PRSS12: variants seen among roughly 807,000 people sequenced by gnomAD.
PRSS12 encodes serine protease 12, also known as neurotrypsin.
PRSS12 carries 85 observed loss-of-function variants against 104.4 expected under a neutral mutation model. That is an observed-to-expected ratio of 0.81 (90% CI 0.68 to 0.98). PRSS12 has a LOEUF of 0.98. Ranked by LOEUF, PRSS12 falls within the 50% of genes least tolerant of loss-of-function variation. The pLI is 0.00. For missense variants in PRSS12, 1,141 were observed against 1,139.2 expected (o/e 1.00, Z -0.02); for synonymous variants, 454 against 425.2 (o/e 1.07, Z -0.83).
intron 11 of PRSS12, among the ~76,000 whole-genome samples, chr4:118,292,084 T>A (rs929140164): frequency 3.3e-5 from 5 of 152,036 alleles, no homozygotes; most frequent in African/African-American, 1.2e-4. Flanking sequence ...AAGAAATTTT[T>A]AAAAATTGGT....
At chr4:118,297,203 A>C (rs1340732057) in intron 9 of PRSS12, among the ~76,000 whole-genome samples, 1 of 152,202 alleles carries the variant, frequency 6.6e-6, no homozygotes, top group African/African-American at 2.4e-5. Flanking sequence ...CAGATTCTGT[A>C]ATCTAGCTGG....
Position 118,281,911 on chromosome 4 carries a change from G to T in PRSS12, c.*25C>A. 3 of 1,013,974 alleles carry T rather than the reference G, an allele frequency of 3.0e-6. No individual in the cohort carries two copies. The highest frequency in any genetic ancestry group is 3.2e-6 in the Non-Finnish European group (2 of 631,136). 62.8% of individuals were successfully genotyped at this position (1,013,974 alleles called of 1,614,324 possible). A position where few individuals can be genotyped will look rare whatever the true frequency, so the allele number is the denominator to read the frequency against. ...TTCAAAGTTTTCCATTTGTTTAAAT[G>T]CTGCTTTGAAGTTTCCATGAAGAAT... On this transcript the variant is annotated 3_prime_UTR_variant, in exon 13 of 13. Coordinates refer to ENST00000296498, the MANE Select transcript of PRSS12 (RefSeq NM_003619.4).
intron 1 of PRSS12, among the ~76,000 whole-genome samples, chr4:118,339,191 G>A (rs1275639256): frequency 1.3e-5 from 2 of 152,134 alleles, no homozygotes; most frequent in East Asian, 1.9e-4. Flanking sequence ...GGCACTGGGA[G>A]GTAGCAAGTG....
At chr4:118,306,562 A>ACC (rs1485187030) in intron 8 of PRSS12, among the ~76,000 whole-genome samples, 1 of 152,054 alleles carries the variant, frequency 6.6e-6, no homozygotes. Context: ...ACACTTTTAA[A>ACC]CAACCAGATC....
intron 4 of PRSS12, among the ~76,000 whole-genome samples, chr4:118,321,004 C>T (rs1329340301): frequency 6.6e-6 from 1 of 152,128 alleles, no homozygotes; most frequent in Admixed American, 6.5e-5. Context: ...CTATCTGATA[C>T]TTGTAACACA....
At chr4:118,286,135 T>G (rs1277559294) in intron 11 of PRSS12, among the ~76,000 whole-genome samples, 3 of 152,182 alleles carry the variant, frequency 2.0e-5, no homozygotes, top group Non-Finnish European at 4.4e-5. Flanking sequence ...AGTTTTAAAT[T>G]TTTCAACCCA....
intron 4 of PRSS12, among the ~76,000 whole-genome samples, chr4:118,321,355 T>C (rs1022887939): frequency 6.6e-6 from 1 of 152,232 alleles, no homozygotes; most frequent in Non-Finnish European, 1.5e-5. Flanking sequence ...AATATTTGTA[T>C]ATTACTGACC....
Position 118,282,015 on chromosome 4 carries a change from C to T in PRSS12, c.2549G>A (p.Cys850Tyr), listed in dbSNP as rs778245197. 9.3e-6 allele frequency: 15 copies of T among 1,608,030 alleles called. No homozygotes were observed. The highest frequency in any genetic ancestry group is 9.4e-6 in the Non-Finnish European group (11 of 1,174,530). ...VYGVTSWGYG[C>Y]GVKDSPGVYT... ...AACACCAGGAGAATCCTTGACTCCA[C>T]AGCCATACCCCCAGGAGGTCACCCC... Residue 850 changes from cysteine (C) to tyrosine (Y), a missense_variant, in exon 13 of 13, where the codon TGT (cysteine) becomes TAT (tyrosine). By Grantham distance (194) the Cys-to-Tyr change is radical. Transcript: ENST00000296498.
chr4:118,295,812 G>A lies in PRSS12; in HGVS notation c.1882C>T (p.Gln628Ter). ...TTTTTCCCACCAATGATCCGCTTCT[G>A]CCGACGGTGCAGTAATCTCAAGCCA... ...VCGLRLLHRR[Q>*]KRIIGGKNSL... is the part of the protein sequence containing the mutation. Residue 628 changes from glutamine (Q) to a stop codon, truncating the protein, a stop_gained, in exon 10 of 13, where the codon CAG (glutamine) becomes TAG (stop). Coordinates refer to ENST00000296498, the MANE Select transcript of PRSS12 (RefSeq NM_003619.4). LOFTEE classifies it high-confidence loss of function. 1 of 1,614,074 alleles carries A rather than the reference G, an allele frequency of 6.2e-7. No individual in the cohort carries two copies. The highest frequency in any genetic ancestry group is 1.3e-5 in the African/African-American group (1 of 75,012).
intron 4 of PRSS12, among the ~76,000 whole-genome samples, chr4:118,319,469 A>G (rs958369674): frequency 2.0e-5 from 3 of 152,144 alleles, no homozygotes; most frequent in Non-Finnish European, 2.9e-5. Flanking sequence ...CTAATAAGTT[A>G]TCTTGGGCCA....
intron 4 of PRSS12, among the ~76,000 whole-genome samples, chr4:118,327,161 A>T (rs909807519): frequency 3.7e-4 from 55 of 149,410 alleles, no homozygotes; most frequent in African/African-American, 6.9e-4. Flanking sequence ...AAGAAAAAAA[A>T]TTTTTTTTTT....
Position 118,327,318 on chromosome 4 carries a change from AT to A in PRSS12, c.971+4397del, listed in dbSNP as rs968598432. Among the ~76,000 whole-genome samples the A allele has an allele frequency of 6.7e-5, 10 of 150,330 alleles. No homozygotes were observed. The South Asian group carries it at 1.3e-3, about 19-fold the overall frequency. On this transcript the variant is annotated intron_variant, in intron 4 of 12. Transcript: ENST00000296498. ...CAGTGCGTGCCACCACAACCAGCTA[AT>A]TTTTTTTTTCTTGTAGAGATGGGAG...
At chr4:118,327,756 C>A (rs1283517969) in intron 4 of PRSS12, among the ~76,000 whole-genome samples, 2 of 152,160 alleles carry the variant, frequency 1.3e-5, no homozygotes, top group Non-Finnish European at 2.9e-5. Flanking sequence ...GGTACATATG[C>A]GTTCTCAAGT....
Position 118,282,008 on chromosome 4 carries a change from G to C in PRSS12, c.2556C>G (p.Val852=), listed in dbSNP as rs1350163015. 1 of 1,599,552 alleles carries C rather than the reference G, an allele frequency of 6.3e-7. No individual in the cohort carries two copies. The highest frequency in any genetic ancestry group is 8.6e-7 in the Non-Finnish European group (1 of 1,166,696). Residue 852 remains valine (V), a synonymous_variant, in exon 13 of 13, where the codon GTC becomes GTG. Transcript: ENST00000296498. ...TGGTATAAACACCAGGAGAATCCTTGACTCCACAGCCATACCCCCAGGAGG... is the reference window on the plus strand; with the variant it reads ...TGGTATAAACACCAGGAGAATCCTTCACTCCACAGCCATACCCCCAGGAGG... ...GVTSWGYGCG[V]KDSPGVYTKV... is the part of the protein sequence containing the mutation.
chr4:118,302,054 T>C (rs546674134), intron 8 of PRSS12, among the ~76,000 whole-genome samples: 1 of 152,304 alleles, frequency 6.6e-6, no homozygotes, highest in South Asian at 2.1e-4. Flanking sequence ...GTTCTCAGCT[T>C]CCTAAGAAGG....
chr4:118,331,821 T>A lies in PRSS12; in HGVS notation c.866A>T (p.His289Leu). The A allele has an allele frequency of 6.2e-7, 1 of 1,614,174 alleles. No individual in the cohort carries two copies. The highest frequency in any genetic ancestry group is 8.5e-7 in the Non-Finnish European group (1 of 1,180,032). ...IIRLAGGSSV[H>L]EGRVELYHAG... ...ATGGTAGAGCTCCACCCGGCCTTCA[T>A]GCACACTGCTGCCTCCAGCAAGGCG... The change falls in exon 4 of 13, where the codon CAT becomes CTT. Residue 289 changes from histidine to leucine, a missense_variant. Coordinates refer to ENST00000296498, the MANE Select transcript of PRSS12 (RefSeq NM_003619.4).
intron 4 of PRSS12, among the ~76,000 whole-genome samples, chr4:118,322,375 C>A (rs1454394231): frequency 1.3e-5 from 2 of 151,890 alleles, no homozygotes; most frequent in African/African-American, 4.8e-5. Flanking sequence ...TGTAGTGAAA[C>A]CCTATCTCTA....
chr4:118,299,804 AAAAT>A lies in PRSS12; in HGVS notation c.1632-870_1632-867del, dbSNP rs1266637308. Among the ~76,000 whole-genome samples the A allele has an allele frequency of 8.7e-4, 93 of 106,946 alleles. 2 individuals carry two copies. Among genetic ancestry groups the A allele is most frequent in the Admixed American group, 3.1e-3 (29 of 9,506 alleles). 70.2% of individuals were successfully genotyped at this position (106,946 alleles called of 152,430 possible). On this transcript the variant is annotated intron_variant, in intron 8 of 12. Transcript: ENST00000296498. ...TAAAATAAAATAAAATAAATAAAAT[AAAAT>A]AAATAAAATAAAATAAAATAAAATA... is the stretch of plus-strand genomic sequence containing the variant.
chr4:118,339,425 C>A (rs1204008794), intron 1 of PRSS12, among the ~76,000 whole-genome samples: 1 of 152,206 alleles, frequency 6.6e-6, no homozygotes, highest in Admixed American at 6.5e-5. Flanking sequence ...CCATTCATTT[C>A]ATTTGTACAG....
Sources: allele counts gnomAD v4.1 joint callset (sites outside exome capture counted in the v4.1 genomes callset), GRCh38; gene constraint gnomAD v4.1.1; transcripts MANE v1.5; gene names NCBI Gene and HGNC (gene_info 2026-07-23, HGNC 2026-07-21).